Variants in DSCAM observed in about 807,000 individuals in gnomAD.
DSCAM encodes the protein cell adhesion molecule DSCAM.
In DSCAM, 47 loss-of-function variants were observed where a neutral mutation model predicts 217.7. The ratio of observed to expected loss-of-function variants is 0.22; its 90% confidence interval spans 0.17 to 0.28. The LOEUF (loss-of-function observed/expected upper bound fraction) is 0.28, where lower values mean the gene tolerates loss of function less well. Ranked by LOEUF, DSCAM falls within the 10% of genes least tolerant of loss-of-function variation. The pLI is 1.00. For synonymous variants in DSCAM, 1,056 were observed against 1,015.3 expected (o/e 1.04, Z -0.76); for missense variants, 2,080 against 2,618.3 (o/e 0.79, Z 4.49).
intron 11 of DSCAM, among the ~76,000 whole-genome samples, chr21:40,246,196 TACTC>T (rs1335644896): frequency 1.3e-5 from 2 of 151,240 alleles, no homozygotes; most frequent in Non-Finnish European, 2.9e-5. Context: ...AAGAATCCCA[TACTC>T]ACTTCCTATA....
At chr21:40,547,902 G>A (rs2076596379) in intron 3 of DSCAM, among the ~76,000 whole-genome samples, 1 of 152,198 alleles carries the variant, frequency 6.6e-6, no homozygotes, top group Non-Finnish European at 1.5e-5. Flanking sequence ...TTCCTCTACA[G>A]ACAGACACTG....
intron 3 of DSCAM, among the ~76,000 whole-genome samples, chr21:40,378,616 G>A (rs1229416498): frequency 3.9e-5 from 4 of 102,984 alleles, no homozygotes; most frequent in Non-Finnish European, 7.2e-5. Flanking sequence ...TTTTGAGACG[G>A]AGTCTCGCTC....
At chr21:40,049,059 A>G (rs2088887687) in intron 30 of DSCAM, among the ~76,000 whole-genome samples, 1 of 152,196 alleles carries the variant, frequency 6.6e-6, no homozygotes, top group Non-Finnish European at 1.5e-5. Flanking sequence ...TGAGGGGGGA[A>G]CCAGAGACTG....
chr21:40,442,205 C>T (rs1283071620), intron 3 of DSCAM, among the ~76,000 whole-genome samples: 1 of 152,008 alleles, frequency 6.6e-6, no homozygotes, highest in Non-Finnish European at 1.5e-5. Context: ...TTAGGCACTG[C>T]ACAATCCTGT....
At chr21:40,648,265 A>ACACACACC (rs1555876106) in intron 3 of DSCAM, among the ~76,000 whole-genome samples, 1 of 149,034 alleles carries the variant, frequency 6.7e-6, no homozygotes, top group African/African-American at 2.6e-5. Flanking sequence ...ACACACACAC[A>ACACACACC]CACACACACA....
At chr21:40,838,723 A>G (rs531944901) in intron 1 of DSCAM, among the ~76,000 whole-genome samples, 3 of 152,296 alleles carry the variant, frequency 2.0e-5, no homozygotes, top group East Asian at 3.9e-4. Context: ...TCTTTCCATC[A>G]CCTTATCAAA....
chr21:40,604,545 C>T (rs1228077314), intron 3 of DSCAM, among the ~76,000 whole-genome samples: 1 of 152,138 alleles, frequency 6.6e-6, no homozygotes, highest in African/African-American at 2.4e-5. Context: ...TATAATTAGA[C>T]TTTTAGCATG....
intron 3 of DSCAM, among the ~76,000 whole-genome samples, chr21:40,540,682 C>T (rs1037434797): frequency 7.9e-5 from 12 of 152,052 alleles, no homozygotes; most frequent in African/African-American, 2.9e-4. Flanking sequence ...TACTGGGTCC[C>T]GCATCTCCTT....
chr21:40,174,238 G>A (rs1435041467), intron 15 of DSCAM, among the ~76,000 whole-genome samples: 1 of 152,198 alleles, frequency 6.6e-6, no homozygotes, highest in East Asian at 1.9e-4. Context: ...TGGCTTCATG[G>A]CTATTCTCTG....
intron 11 of DSCAM, among the ~76,000 whole-genome samples, chr21:40,248,333 T>A (rs969984327): frequency 2.0e-5 from 3 of 152,234 alleles, no homozygotes; most frequent in Non-Finnish European, 4.4e-5. Flanking sequence ...CAAACTTTTA[T>A]GCTCTGCTTC....
At chr21:40,086,748 C>T (rs893599578) in intron 22 of DSCAM, among the ~76,000 whole-genome samples, 1 of 152,162 alleles carries the variant, frequency 6.6e-6, no homozygotes, top group Non-Finnish European at 1.5e-5. Flanking sequence ...TACTCCATTT[C>T]TTAAAGTTCT....
At chr21:40,226,529 C>T (rs373705576) in intron 11 of DSCAM, among the ~76,000 whole-genome samples, 5 of 152,118 alleles carry the variant, frequency 3.3e-5, no homozygotes, top group East Asian at 3.9e-4. Flanking sequence ...AATATAGATA[C>T]GGACAAGAGC....
intron 3 of DSCAM, among the ~76,000 whole-genome samples, chr21:40,620,829 A>G (rs940387435): frequency 6.6e-6 from 1 of 152,264 alleles, no homozygotes; most frequent in African/African-American, 2.4e-5. Context: ...ATGATGTCCC[A>G]TCACTAAAAA....
At chr21:40,461,039 T>C (rs370699308) in intron 3 of DSCAM, among the ~76,000 whole-genome samples, 1 of 152,154 alleles carries the variant, frequency 6.6e-6, no homozygotes, top group African/African-American at 2.4e-5. Flanking sequence ...TGCAAAAGAA[T>C]TGAACACAAA....
intron 32 of DSCAM, among the ~76,000 whole-genome samples, chr21:40,033,195 C>A (rs924622590): frequency 6.6e-6 from 1 of 152,188 alleles, no homozygotes; most frequent in Non-Finnish European, 1.5e-5. Flanking sequence ...ATAGGAACAG[C>A]TCCCGTCTAC....
In DSCAM at chr21:40,042,624, G is replaced by A. The variant is rs375289717; in HGVS notation, c.5433C>T (p.Tyr1811=). Residue 1811 remains tyrosine (Y), a synonymous_variant, in exon 32 of 33, where the codon TAC becomes TAT. Transcript: ENST00000400454. ...MVSTESASST[Y]EELARAYEHA... ...GTTCGTAGGCCCTGGCCAGTTCTTC[G>A]TAAGTGGAGGAGGCACTTTCTGTGG... The A allele has an allele frequency of 5.6e-5, 91 of 1,613,772 alleles. No individual in the cohort carries two copies. Among genetic ancestry groups the A allele is most frequent in the Non-Finnish European group, 7.1e-5 (84 of 1,179,986 alleles).
chr21:40,609,064 C>G (rs2089279702), intron 3 of DSCAM, among the ~76,000 whole-genome samples: 3 of 152,200 alleles, frequency 2.0e-5, no homozygotes, highest in African/African-American at 7.2e-5. Context: ...AAGCAGTCCT[C>G]CATCCTCAGG....
At chr21:40,157,461 A>T (rs911473114) in intron 16 of DSCAM, among the ~76,000 whole-genome samples, 4 of 152,204 alleles carry the variant, frequency 2.6e-5, no homozygotes, top group Admixed American at 6.5e-5. Flanking sequence ...AGCATTGGAG[A>T]AAGGCCTGGG....
At chr21:40,480,646 G>A (rs2837653) in intron 3 of DSCAM, among the ~76,000 whole-genome samples, 14,365 of 152,174 alleles carry the variant, frequency 0.094, 822 homozygotes, top group Middle Eastern at 0.17. Context: ...GAAATTTGAC[G>A]CTGTTGCTAC....
Sources: gnomAD v4.1 joint callset for allele counts (sites outside exome capture counted in the v4.1 genomes callset) on GRCh38, gnomAD v4.1.1 for gene constraint, MANE v1.5 for transcripts, NCBI Gene and HGNC (gene_info 2026-07-23, HGNC 2026-07-21) for gene names.